The following SCAPER variants were observed in gnomAD, a reference collection of about 807,000 sequenced individuals.
SCAPER encodes S phase cyclin A-associated protein in the endoplasmic reticulum.
SCAPER carries 98 observed loss-of-function variants against 182.2 expected under a neutral mutation model. The ratio of observed to expected loss-of-function variants is 0.54; its 90% confidence interval spans 0.46 to 0.64. SCAPER has a LOEUF of 0.64. SCAPER is among the 30% of genes least tolerant of loss of function. The pLI, the probability that SCAPER is intolerant of heterozygous loss-of-function variation, is 0.00. For synonymous variants in SCAPER, 605 were observed against 564.6 expected, an observed-to-expected ratio of 1.07 and a Z score of -1.01; for missense variants, 1,432 against 1,690.0, an observed-to-expected ratio of 0.85 and a Z score of 2.68.
chr15:76,724,161 G>T (rs1598381917), intron 17 of SCAPER, among the ~76,000 whole-genome samples: 2 of 638 alleles, frequency 3.1e-3, no homozygotes, highest in Admixed American at 0.1. Context: ...GTAAAGCAAA[G>T]ACTTATTTCT....
At chr15:76,388,969 A>T (rs1182599968) in intron 27 of SCAPER, among the ~76,000 whole-genome samples, 1 of 151,872 alleles carries the variant, frequency 6.6e-6, no homozygotes, top group African/African-American at 2.4e-5. Context: ...CAAAAAAAAA[A>T]AATTACAGTC....
In SCAPER at chr15:76,717,906, A is replaced by G. The variant is rs1283042364; in HGVS notation, c.2165+10689T>C. On this transcript the variant is annotated intron_variant, in intron 17 of 31. Coordinates refer to ENST00000563290, the MANE Select transcript of SCAPER (RefSeq NM_020843.4). ...AAACTAGAGAGAAAATAAATACTAGACTTAATTGTACTTTGACCAAATGGA... is the reference window on the plus strand; with the variant it reads ...AAACTAGAGAGAAAATAAATACTAGGCTTAATTGTACTTTGACCAAATGGA... Among the ~76,000 whole-genome samples, 29 of 152,122 alleles carry G rather than the reference A, an allele frequency of 1.9e-4. 1 individual carries two copies. The highest frequency in any genetic ancestry group is 1.8e-3 in the Admixed American group (27 of 15,264).
At chr15:76,554,961 A>G (rs766533887) in intron 23 of SCAPER, among the ~76,000 whole-genome samples, 1 of 152,016 alleles carries the variant, frequency 6.6e-6, no homozygotes, top group Non-Finnish European at 1.5e-5. Flanking sequence ...TTGTATTTTT[A>G]GTAGAGACAG....
At chr15:76,459,545 T>TTTG (rs1445175286) in intron 25 of SCAPER, among the ~76,000 whole-genome samples, 5 of 151,298 alleles carry the variant, frequency 3.3e-5, no homozygotes, top group Non-Finnish European at 7.4e-5. Flanking sequence ...TTATTAGGGT[T>TTTG]TTTTTTTTTT....
At chr15:76,873,336 AGGCAGGCAGGCAGGCAGGCAGGCAGGC>A (rs2072902928) in intron 2 of SCAPER, among the ~76,000 whole-genome samples, 16 of 61,182 alleles carry the variant, frequency 2.6e-4, no homozygotes, top group South Asian at 6.3e-4. Flanking sequence ...GAAGGAAGGC[AGGCAGGCAGGCAGGCAGGCAGGCAGGC>A]AGGCAGGCAG....
intron 8 of SCAPER, among the ~76,000 whole-genome samples, chr15:76,786,056 C>T (rs937484573): frequency 8.6e-5 from 13 of 151,864 alleles, no homozygotes; most frequent in Non-Finnish European, 1.8e-4. Flanking sequence ...GGGCTGAGTA[C>T]GGTGGCTCAT....
In SCAPER at chr15:76,689,839, C is replaced by T. The variant is rs140431650; in HGVS notation, c.2508+11919G>A. Among the ~76,000 whole-genome samples, 59 of 150,136 alleles carry T rather than the reference C, an allele frequency of 3.9e-4. No individual in the cohort carries two copies. The East Asian group carries it at 9.0e-3, about 23-fold the overall frequency. ...TAAACAGGGCAACATCAAAAAGACA[C>T]AAAAACTAACTGAAAGAGCTCCTAA... On this transcript the variant is annotated intron_variant, in intron 20 of 31. Coordinates refer to ENST00000563290, the MANE Select transcript of SCAPER (RefSeq NM_020843.4).
chr15:76,418,952 C>A (rs1225368393), intron 26 of SCAPER, among the ~76,000 whole-genome samples: 1 of 152,204 alleles, frequency 6.6e-6, no homozygotes, highest in Admixed American at 6.5e-5. Flanking sequence ...GTGTCTCAGA[C>A]CTCTGCACAA....
At chr15:76,513,478 GA>G (rs1225614719) in intron 23 of SCAPER, among the ~76,000 whole-genome samples, 3 of 151,972 alleles carry the variant, frequency 2.0e-5, no homozygotes, top group Non-Finnish European at 4.4e-5. Flanking sequence ...AACTAAGAGA[GA>G]AAAAAACCTT....
chr15:76,658,901 C>T (rs1162953079), intron 21 of SCAPER, among the ~76,000 whole-genome samples: 1 of 152,088 alleles, frequency 6.6e-6, no homozygotes, highest in Admixed American at 6.6e-5. Flanking sequence ...TTATTTACAC[C>T]ATTTACAATA....
intron 26 of SCAPER, among the ~76,000 whole-genome samples, chr15:76,414,412 A>G (rs1476510545): frequency 6.6e-6 from 1 of 152,104 alleles, no homozygotes; most frequent in Non-Finnish European, 1.5e-5. Context: ...GAAGCTGATC[A>G]TGTCAAACTG....
chr15:76,586,234 A>G (rs1443656749), intron 22 of SCAPER, among the ~76,000 whole-genome samples: 1 of 152,162 alleles, frequency 6.6e-6, no homozygotes, highest in Non-Finnish European at 1.5e-5. Flanking sequence ...AAGTGTAAAA[A>G]AAGATACTTG....
At chr15:76,507,515 GT>G (rs368585135) in intron 23 of SCAPER, among the ~76,000 whole-genome samples, 98 of 151,922 alleles carry the variant, frequency 6.5e-4, no homozygotes, top group African/African-American at 2.2e-3. Context: ...AAATACTGAG[GT>G]TTTTTTTGAA....
chr15:76,624,194 A>G (rs1199752886), intron 21 of SCAPER, among the ~76,000 whole-genome samples: 1 of 152,356 alleles, frequency 6.6e-6, no homozygotes, highest in South Asian at 2.1e-4. Flanking sequence ...GACTTCAGTA[A>G]AGTTTCAGGA....
At chr15:76,683,192 C>T (rs1567789830) in intron 20 of SCAPER, among the ~76,000 whole-genome samples, 1 of 151,726 alleles carries the variant, frequency 6.6e-6, no homozygotes, top group Non-Finnish European at 1.5e-5. Flanking sequence ...AAATGAAACA[C>T]TCATTTTATG....
At chr15:76,660,925 G>C (rs538989582) in intron 21 of SCAPER, among the ~76,000 whole-genome samples, 1 of 151,774 alleles carries the variant, frequency 6.6e-6, no homozygotes, top group Non-Finnish European at 1.5e-5. Flanking sequence ...CTATAAACTA[G>C]CAAGAAATAA....
intron 21 of SCAPER, among the ~76,000 whole-genome samples, chr15:76,652,273 AATATATATATATATATAT>A (rs1172636102): frequency 7.8e-5 from 1 of 12,866 alleles, no homozygotes; most frequent in East Asian, 2.4e-3. Context: ...AAAAAAAAAA[AATATATATATATATATAT>A]ATATATATAT....
At chr15:76,671,463 A>G (rs1421561510) in intron 20 of SCAPER, among the ~76,000 whole-genome samples, 1 of 152,166 alleles carries the variant, frequency 6.6e-6, no homozygotes, top group Non-Finnish European at 1.5e-5. Flanking sequence ...CTAAGTGACA[A>G]GGTATTCCCA....
In SCAPER at chr15:76,599,008, T is replaced by A. The variant is rs183066037; in HGVS notation, c.2711+22756A>T. On this transcript the variant is annotated intron_variant, in intron 22 of 31. Transcript: ENST00000563290. ...AAATGAATATGTATTAAGCATAAGG[T>A]TACCTGCTAGATTTTAAAAAAATAA... 4.7e-3 allele frequency among the ~76,000 whole-genome samples: 561 copies of A among 119,678 alleles called. 66 individuals are homozygous for A. The highest frequency in any genetic ancestry group is 0.013 in the African/African-American group (513 of 39,534). 78.5% of individuals were successfully genotyped at this position (119,678 alleles called of 152,430 possible).
Sources: gnomAD v4.1 joint callset for allele counts (sites outside exome capture counted in the v4.1 genomes callset) on GRCh38, gnomAD v4.1.1 for gene constraint, MANE v1.5 for transcripts, NCBI Gene and HGNC (gene_info 2026-07-23, HGNC 2026-07-21) for gene names.